Variants in NALF1 observed in about 807,000 individuals in gnomAD.
NALF1 encodes the protein NALCN channel auxiliary factor 1, also known as family with sequence similarity 155 member A.
A neutral mutation model predicts 48.4 loss-of-function variants in NALF1; 3 were observed. That is an observed-to-expected ratio of 0.06 (90% CI 0.03 to 0.16). The LOEUF is 0.16. Ranked by LOEUF, NALF1 falls within the 10% of genes least tolerant of loss-of-function variation. NALF1 has a pLI of 1.00. For synonymous variants in NALF1, 262 were observed against 245.7 expected (o/e 1.07, Z -0.62); for missense variants, 526 against 571.5 (o/e 0.92, Z 0.81).
At chr13:107,206,049 G>A (rs927941699) in intron 2 of NALF1, among the ~76,000 whole-genome samples, 1 of 152,040 alleles carries the variant, frequency 6.6e-6, no homozygotes, top group Non-Finnish European at 1.5e-5. Context: ...ACTGCATTAT[G>A]CGAACTGAGC....
At chr13:107,480,318 C>T (rs1333061610) in intron 1 of NALF1, among the ~76,000 whole-genome samples, 1 of 152,104 alleles carries the variant, frequency 6.6e-6, no homozygotes, top group African/African-American at 2.4e-5. Flanking sequence ...ACATGTAGTG[C>T]CTTTCAGGTG....
chr13:107,847,851 A>T (rs1189888331), intron 1 of NALF1, among the ~76,000 whole-genome samples: 3 of 152,232 alleles, frequency 2.0e-5, no homozygotes, highest in African/African-American at 7.2e-5. Context: ...GACTTGTTTT[A>T]AGTCTCTATA....
At chr13:107,692,436 C>CT (rs915367071) in intron 1 of NALF1, among the ~76,000 whole-genome samples, 117 of 151,588 alleles carry the variant, frequency 7.7e-4, no homozygotes, top group African/African-American at 2.4e-3. Context: ...CAAACACAAA[C>CT]TTTTTTTTTC....
intron 1 of NALF1, among the ~76,000 whole-genome samples, chr13:107,242,085 G>T (rs1328708098): frequency 6.6e-6 from 1 of 152,192 alleles, no homozygotes; most frequent in African/African-American, 2.4e-5. Flanking sequence ...TTTATTCACT[G>T]CCCTCTACTT....
intron 1 of NALF1, among the ~76,000 whole-genome samples, chr13:107,294,788 T>C (rs893007942): frequency 1.3e-5 from 2 of 152,220 alleles, no homozygotes; most frequent in Admixed American, 1.3e-4. Context: ...CTTTAGACTG[T>C]ATCTCAGTAA....
chr13:107,390,347 A>C (rs1883602714), intron 1 of NALF1, among the ~76,000 whole-genome samples: 1 of 151,270 alleles, frequency 6.6e-6, no homozygotes, highest in South Asian at 2.1e-4. Context: ...TCTGTCTCAA[A>C]AAAGAAAAAA....
chr13:107,195,705 C>T (rs900051232), intron 2 of NALF1, among the ~76,000 whole-genome samples: 11 of 152,122 alleles, frequency 7.2e-5, no homozygotes, highest in Non-Finnish European at 1.5e-4. Context: ...CTAATACAAT[C>T]GGTTCTTAGT....
At chr13:107,708,080 G>C (rs1875456560) in intron 1 of NALF1, among the ~76,000 whole-genome samples, 1 of 149,510 alleles carries the variant, frequency 6.7e-6, no homozygotes, top group South Asian at 2.1e-4. Context: ...TTTCTATCTA[G>C]AAAACGCTCC....
chr13:107,346,553 C>T (rs1297598114), intron 1 of NALF1, among the ~76,000 whole-genome samples: 1 of 152,106 alleles, frequency 6.6e-6, no homozygotes, highest in Non-Finnish European at 1.5e-5. Context: ...TTATATATGA[C>T]AGATGGTTAT....
intron 2 of NALF1, among the ~76,000 whole-genome samples, chr13:107,187,532 G>T (rs1879200656): frequency 6.6e-6 from 1 of 152,178 alleles, no homozygotes; most frequent in South Asian, 2.1e-4. Flanking sequence ...GTAAGATGAA[G>T]ACTGATCCTG....
At chr13:107,773,578 C>CT (rs1877639039) in intron 1 of NALF1, among the ~76,000 whole-genome samples, 1 of 151,764 alleles carries the variant, frequency 6.6e-6, no homozygotes, top group African/African-American at 2.4e-5. Flanking sequence ...ACAAAGATCT[C>CT]TTATTTTTAA....
intron 1 of NALF1, among the ~76,000 whole-genome samples, chr13:107,650,689 G>T (rs553013041): frequency 1.3e-5 from 2 of 152,032 alleles, no homozygotes; most frequent in East Asian, 1.9e-4. Flanking sequence ...GAACTTACTC[G>T]TGTAACCAAA....
At chr13:107,413,282 T>A (rs984895727) in intron 1 of NALF1, among the ~76,000 whole-genome samples, 5 of 152,300 alleles carry the variant, frequency 3.3e-5, no homozygotes, top group Admixed American at 6.5e-5. Context: ...ACAGAATAAC[T>A]GATAACCACA....
Position 107,167,445 on chromosome 13 carries a change from A to G in NALF1, c.*3052T>C, listed in dbSNP as rs1878685364. The stretch of plus-strand genomic sequence containing the variant: ...GAGCTTGGGAAAGGAGTCGTTGCCT[A>G]TTTGGATCCTCTGCCTGACCCCAGA... On this transcript the variant is annotated 3_prime_UTR_variant, in exon 3 of 3. Coordinates refer to ENST00000375915, the MANE Select transcript of NALF1 (RefSeq NM_001080396.3). The G allele has an allele frequency of 6.6e-6, 1 of 152,212 alleles. No homozygotes were observed. The highest frequency in any genetic ancestry group is 6.5e-5 in the Admixed American group (1 of 15,276). The allele number at this position is 152,212 out of a possible 1,614,324, so 9.4% of individuals were successfully genotyped here.
intron 1 of NALF1, among the ~76,000 whole-genome samples, chr13:107,584,212 T>C (rs1007297065): frequency 6.6e-6 from 1 of 152,164 alleles, no homozygotes; most frequent in Non-Finnish European, 1.5e-5. Flanking sequence ...CAAATAATCA[T>C]CTGTGAATAT....
At chr13:107,318,949 G>T (rs1215585792) in intron 1 of NALF1, among the ~76,000 whole-genome samples, 2 of 152,082 alleles carry the variant, frequency 1.3e-5, no homozygotes, top group Non-Finnish European at 2.9e-5. Flanking sequence ...AAGTGAATTT[G>T]TTTTTCCAAG....
Position 107,564,948 on chromosome 13 carries a change from G to A in NALF1, c.915+300734C>T, listed in dbSNP as rs567569038. ...AGGTTGCCTCTACTACTGGGACCAC[G>A]TGCGGCCACTCAGCACAAAAATTTC... On this transcript the variant is annotated intron_variant, in intron 1 of 2. Transcript: ENST00000375915. Among the ~76,000 whole-genome samples, 6 of 151,704 alleles carry A rather than the reference G, an allele frequency of 4.0e-5. No individual in the cohort carries two copies. The South Asian group carries it at 8.4e-4, about 21-fold the overall frequency.
intron 1 of NALF1, among the ~76,000 whole-genome samples, chr13:107,650,934 T>G (rs1594184651): frequency 6.8e-6 from 1 of 147,228 alleles, no homozygotes. Flanking sequence ...CGGGGGAGGG[T>G]GGGAGGAGGG....
intron 1 of NALF1, among the ~76,000 whole-genome samples, chr13:107,822,090 G>A (rs1879375776): frequency 6.8e-6 from 1 of 146,878 alleles, no homozygotes. Flanking sequence ...GTGTATCATT[G>A]AGAAGCATGC....
Sources: gnomAD v4.1 joint callset for allele counts (sites outside exome capture counted in the v4.1 genomes callset) on GRCh38, gnomAD v4.1.1 for gene constraint, MANE v1.5 for transcripts, NCBI Gene and HGNC (gene_info 2026-07-23, HGNC 2026-07-21) for gene names.